ITGAL: variants seen among roughly 807,000 people sequenced by gnomAD.
ITGAL encodes the protein integrin alpha-L.
ITGAL carries 68 observed loss-of-function variants against 138.4 expected under a neutral mutation model. The observed-to-expected ratio is 0.49, with a 90% confidence interval of 0.40 to 0.60. The LOEUF is 0.60. Among genes scored for constraint, ITGAL ranks in the 20% least tolerant of loss-of-function variants. The pLI is 0.00. For synonymous variants in ITGAL, 561 were observed against 584.3 expected (o/e 0.96, Z 0.57); for missense variants, 1,256 against 1,478.6 (o/e 0.85, Z 2.47).
chr16:30,521,826 C>G lies in ITGAL; in HGVS notation c.*161C>G, dbSNP rs1004503177. On this transcript the variant is annotated 3_prime_UTR_variant, in exon 31 of 31. Coordinates refer to ENST00000356798, the MANE Select transcript of ITGAL (RefSeq NM_002209.3). ...ACATGGAACTCATTCCTGCCTGTCT[C>G]CTTTGCAGGCTCATAGGGAAGACCT... The G allele has an allele frequency of 6.5e-5, 45 of 689,212 alleles. No homozygotes were observed. Among genetic ancestry groups the G allele is most frequent in the Non-Finnish European group, 8.3e-5 (35 of 422,674 alleles). 42.7% of individuals were successfully genotyped at this position (689,212 alleles called of 1,614,324 possible).
chr16:30,522,594 G>C lies in ITGAL; in HGVS notation c.*929G>C, dbSNP rs950539222. The C allele has an allele frequency of 6.6e-6, 1 of 152,178 alleles. No individual in the cohort carries two copies. The highest frequency in any genetic ancestry group is 2.4e-5 in the African/African-American group (1 of 41,416). The allele number at this position is 152,178 out of a possible 1,614,324, so 9.4% of individuals were successfully genotyped here. On this transcript the variant is annotated 3_prime_UTR_variant, in exon 31 of 31. Coordinates refer to ENST00000356798, the MANE Select transcript of ITGAL (RefSeq NM_002209.3). This position sits in a 1 kb window ranked among gnomAD's most constrained non-coding sequence, Gnocchi z 4.0. ...GGATGATGCCTCATGATATGTCAGG[G>C]CGTGGGACATCTAGTAGGTGCTTGA...
chr16:30,520,411 G>A (rs2051235408), intron 30 of ITGAL, among the ~76,000 whole-genome samples: 1 of 152,156 alleles, frequency 6.6e-6, no homozygotes, highest in Non-Finnish European at 1.5e-5. Context: ...CTCCAGCCTG[G>A]GTGACAGAGC....
chr16:30,489,024 T>A (rs1424173717), intron 9 of ITGAL, 58 bp from the exon 10 acceptor site: 2 of 1,451,776 alleles, frequency 1.4e-6, no homozygotes, highest in African/African-American at 2.8e-5. Context: ...CTGCCATGAA[T>A]TTTTTTCACT....
chr16:30,504,192 C>T lies in ITGAL; in HGVS notation c.2163C>T (p.Leu721=), dbSNP rs2050948600. The T allele has an allele frequency of 2.5e-6, 4 of 1,613,424 alleles. No homozygotes were observed. Among genetic ancestry groups the T allele is most frequent in the Non-Finnish European group, 3.4e-6 (4 of 1,179,392 alleles). Residue 721 remains leucine, a synonymous_variant, in exon 18 of 31, where the codon CTC becomes CTT. Coordinates refer to ENST00000356798, the MANE Select transcript of ITGAL (RefSeq NM_002209.3). The stretch of plus-strand genomic sequence containing the variant: ...ACCCTCAGGTATGTGTTCAAGACCT[C>T]ATCTCCCCCATCAATGTTTCCCTGA... ...SFHFPVCVQD[L]ISPINVSLNF...
chr16:30,501,255 A>C (rs1474482609), intron 17 of ITGAL, among the ~76,000 whole-genome samples: 1 of 152,084 alleles, frequency 6.6e-6, no homozygotes, highest in Non-Finnish European at 1.5e-5. Context: ...GCTGCTACAC[A>C]GCTTTCATAA....
chr16:30,514,288 T>A (rs1325463210), intron 25 of ITGAL, among the ~76,000 whole-genome samples: 4 of 151,740 alleles, frequency 2.6e-5, no homozygotes, highest in African/African-American at 7.3e-5. Context: ...TTTTTTTTTT[T>A]TTTTTTGAGA....
At chr16:30,497,161 G>A (rs994036740) in intron 15 of ITGAL, among the ~76,000 whole-genome samples, 9 of 151,922 alleles carry the variant, frequency 5.9e-5, no homozygotes, top group African/African-American at 1.9e-4. Context: ...TGGCTAACAC[G>A]GTGAAACCCT....
At position 30,489,352 on chromosome 16, in the gene ITGAL, A is replaced by G. The variant is rs1220575978; in HGVS notation, c.1179A>G (p.Glu393=). The change falls in exon 11 of 31, where the codon GAA becomes GAG. Residue 393 remains glutamate, a synonymous_variant. Coordinates refer to ENST00000356798, the MANE Select transcript of ITGAL (RefSeq NM_002209.3). The part of the protein sequence containing the change: ...DLQDDTFIGN[E]PLTPEVRAGY... ...AGGATGACACATTTATTGGGAATGA[A>G]CCATTGACACCAGAAGTGAGAGCAG... 1 of 1,614,128 alleles carries G rather than the reference A, an allele frequency of 6.2e-7. No homozygotes were observed. The highest frequency in any genetic ancestry group is 8.5e-7 in the Non-Finnish European group (1 of 1,180,010).
rs781453504 is a variant in ITGAL at position 30,475,310 on chromosome 16, A to G, written c.169A>G (p.Ile57Val). The change falls in exon 3 of 31, where the codon ATC becomes GTC. Residue 57 changes from isoleucine (I) to valine (V), a missense_variant. Ile to Val is a conservative substitution (Grantham distance 29). Transcript: ENST00000356798. ...YRVLQVGNGV[I>V]VGAPGEGNST... ...ACAGGTGAGATTTCTCACCAGGGTC[A>G]TCGTGGGAGCTCCAGGGGAGGGGAA... The G allele has an allele frequency of 6.2e-7, 1 of 1,612,750 alleles. No homozygotes were observed. Among genetic ancestry groups the G allele is most frequent in the Non-Finnish European group, 8.5e-7 (1 of 1,179,064 alleles).
intron 13 of ITGAL, among the ~76,000 whole-genome samples, 187 bp downstream of exon 13, chr16:30,495,037 C>T (rs1597083024): frequency 6.6e-6 from 1 of 152,188 alleles, no homozygotes; most frequent in South Asian, 2.1e-4. Context: ...TTTCTTTTTT[C>T]TTTTGAGACA....
chr16:30,496,307 G>T lies in ITGAL; in HGVS notation c.1701+13G>T. ...CCAGCCAAGTCAGGTGACGTATGCT[G>T]CCTGCCAATCACACTCCATTCTCAG... is the stretch of plus-strand genomic sequence containing the variant. On this transcript the variant is annotated intron_variant, in intron 14 of 30. Coordinates refer to ENST00000356798, the MANE Select transcript of ITGAL (RefSeq NM_002209.3). 6.2e-7 allele frequency: 1 copy of T among 1,600,764 alleles called. No individual in the cohort carries two copies. Among genetic ancestry groups the T allele is most frequent in the South Asian group, 1.1e-5 (1 of 89,224 alleles).
intron 7 of ITGAL, among the ~76,000 whole-genome samples, chr16:30,482,196 A>C (rs1015833013): frequency 3.9e-5 from 6 of 152,066 alleles, no homozygotes; most frequent in African/African-American, 1.4e-4. Context: ...CACCTGGCCT[A>C]TGAGCCAGGA....
At chr16:30,500,803 G>A (rs1418106932) in intron 17 of ITGAL, among the ~76,000 whole-genome samples, 3 of 152,036 alleles carry the variant, frequency 2.0e-5, no homozygotes, top group African/African-American at 4.8e-5. Context: ...TCAGGAGTTC[G>A]AGACCAGCCT....
rs373452468 is a variant in ITGAL, at chr16:30,521,450, C to T, written c.3340-42C>T. On this transcript the variant is annotated intron_variant, in intron 30 of 30. Coordinates refer to ENST00000356798, the MANE Select transcript of ITGAL (RefSeq NM_002209.3). ...CTCACATTTTCTTGGGGCCAAAGTG[C>T]TCAGTGAATTCTTTGCTCGTTCAAA... 3.8e-6 allele frequency: 6 copies of T among 1,571,930 alleles called. No individual in the cohort carries two copies. In the African/African-American group the frequency reaches 8.2e-5, roughly 21 times the overall value.
chr16:30,505,364 T>C (rs1324367909), intron 19 of ITGAL, 25 bp from the exon 20 acceptor site: 6 of 1,613,530 alleles, frequency 3.7e-6, no homozygotes, highest in Non-Finnish European at 5.1e-6. Context: ...CTGAGCCTGT[T>C]ACTCCTTTCT....
intron 2 of ITGAL, 67 bp from the exon 3 acceptor site, chr16:30,475,239 T>A (rs773867297): frequency 8.8e-7 from 1 of 1,131,078 alleles, no homozygotes; most frequent in South Asian, 1.3e-5. Context: ...CTGAACCTCC[T>A]TAGCAGGCAG....
chr16:30,506,558 CAAAAAAAAAAAAAAAAAAAAAAA>C (rs57722064), intron 20 of ITGAL, among the ~76,000 whole-genome samples, 134 bp from the exon 21 acceptor site: 1 of 47,938 alleles, frequency 2.1e-5, no homozygotes, highest in African/African-American at 8.3e-5. Context: ...GACTCCATCT[CAAAAAAAAAAAAAAAAAAAAAAA>C]AAAAAAAAAA....
intron 18 of ITGAL, 72 bp downstream of exon 18, chr16:30,504,336 G>A: frequency 5.2e-6 from 6 of 1,163,132 alleles, no homozygotes; most frequent in Admixed American, 3.4e-5. Flanking sequence ...GCCGCCCATG[G>A]CCGGGCAGCA....
rs370067228 is a variant in ITGAL at position 30,507,643 on chromosome 16, C to T, written c.2508+787C>T. Among the ~76,000 whole-genome samples, 434 of 151,064 alleles carry T rather than the reference C, an allele frequency of 2.9e-3. 22 individuals carry two copies. In the South Asian group the frequency reaches 0.083, roughly 29 times the overall value. On this transcript the variant is annotated intron_variant, in intron 21 of 30. Coordinates refer to ENST00000356798, the MANE Select transcript of ITGAL (RefSeq NM_002209.3). ...CCAGCCTGGGTGATAGAGCAAGACT[C>T]CATCTCAAAAAAAAAAAAATTTAAA...
Sources: allele counts gnomAD v4.1 joint callset (sites outside exome capture counted in the v4.1 genomes callset), GRCh38; gene constraint gnomAD v4.1.1; non-coding constraint Gnocchi (gnomAD v3.1); transcripts MANE v1.5; gene names NCBI Gene and HGNC (gene_info 2026-07-23, HGNC 2026-07-21).